RYR3: variants seen among roughly 807,000 people sequenced by gnomAD.
RYR3 encodes the protein brain ryanodine receptor-calcium release channel.
A neutral mutation model predicts 584.3 loss-of-function variants in RYR3; 207 were observed. That is an observed-to-expected ratio of 0.35 (90% CI 0.32 to 0.40). The LOEUF (loss-of-function observed/expected upper bound fraction) is 0.40. Ranked by LOEUF, RYR3 falls within the 10% of genes least tolerant of loss-of-function variation. RYR3 has a pLI of 1.00. For synonymous variants in RYR3, 2,416 were observed against 2,248.5 expected, an observed-to-expected ratio of 1.07 and a Z score of -2.11; for missense variants, 5,616 against 6,089.2, an observed-to-expected ratio of 0.92 and a Z score of 2.59.
intron 1 of RYR3, among the ~76,000 whole-genome samples, chr15:33,387,484 C>G (rs1356032504): frequency 6.6e-6 from 1 of 152,142 alleles, no homozygotes; most frequent in African/African-American, 2.4e-5. Context: ...CACATCCTCA[C>G]CAACACTTGT....
At chr15:33,425,411 G>C (rs138657637) in intron 1 of RYR3, among the ~76,000 whole-genome samples, 16 of 152,286 alleles carry the variant, frequency 1.1e-4, no homozygotes, top group African/African-American at 3.9e-4. Flanking sequence ...TTGCTTGGCA[G>C]ATGGGGCCAC....
chr15:33,653,033 C>A lies in RYR3; in HGVS notation c.4308+150C>A, dbSNP rs562671375. 7.3e-6 allele frequency: 5 copies of A among 689,384 alleles called. No individual in the cohort carries two copies. The East Asian group carries it at 1.5e-4, about 20-fold the overall frequency. The allele number at this position is 689,384 out of a possible 1,614,324, so 42.7% of individuals were successfully genotyped here. Reference sequence around the variant, plus strand: ...TGGGCCACTTAGGACAACAAATAAACAACAACAAAGTTACTTCATTGTATG... The same window carrying A: ...TGGGCCACTTAGGACAACAAATAAAAAACAACAAAGTTACTTCATTGTATG... On this transcript the variant is annotated intron_variant, in intron 32 of 103. Transcript: ENST00000634891.
intron 9 of RYR3, among the ~76,000 whole-genome samples, chr15:33,549,463 A>C (rs764011471): frequency 1.3e-5 from 2 of 152,234 alleles, no homozygotes; most frequent in Non-Finnish European, 2.9e-5. Flanking sequence ...ATATGAGCAA[A>C]TATTTTAAAA....
At chr15:33,438,547 A>G (rs1383330173) in intron 1 of RYR3, among the ~76,000 whole-genome samples, 1 of 152,116 alleles carries the variant, frequency 6.6e-6, no homozygotes, top group Non-Finnish European at 1.5e-5. Context: ...TGTCTCAGCT[A>G]TTCTTGCTCC....
chr15:33,766,165 C>T (rs1356280297), intron 60 of RYR3, among the ~76,000 whole-genome samples: 3 of 151,908 alleles, frequency 2.0e-5, no homozygotes, highest in Non-Finnish European at 2.9e-5. Flanking sequence ...CACCTGTAGT[C>T]CCAGCTACTC....
chr15:33,652,876 G>A lies in RYR3; in HGVS notation c.4301G>A (p.Cys1434Tyr). 6.2e-7 allele frequency: 1 copy of A among 1,609,866 alleles called. No individual in the cohort carries two copies. Among genetic ancestry groups the A allele is most frequent in the Non-Finnish European group, 8.5e-7 (1 of 1,177,846 alleles). The change falls in exon 32 of 104, where the codon TGC becomes TAC. Residue 1434 changes from cysteine (C) to tyrosine (Y), a missense_variant. Physicochemically the swap from Cys to Tyr is radical, Grantham distance 194. Coordinates refer to ENST00000634891, the MANE Select transcript of RYR3 (RefSeq NM_001036.6). The stretch of plus-strand genomic sequence containing the variant: ...GCCAATGGAAAGGAACTGGGCACCT[G>A]CTACCAGGTAAGGGCGGCTTCTGGG... ...FSANGKELGT[C>Y]YQVEPNTKVF...
chr15:33,669,243 C>A (rs1007762860), intron 36 of RYR3, 111 bp from the exon 37 acceptor site: 15 of 652,092 alleles, frequency 2.3e-5, no homozygotes, highest in South Asian at 7.6e-5. Flanking sequence ...AAAAAAAAAT[C>A]ACTAAGTAAA....
chr15:33,472,707 G>A (rs112721888), intron 1 of RYR3, among the ~76,000 whole-genome samples: 5 of 121,954 alleles, frequency 4.1e-5, no homozygotes, highest in African/African-American at 1.6e-4. Context: ...TCTTTTCCAG[G>A]GCCTCTGAAA....
chr15:33,584,896 G>A (rs1036533401), intron 15 of RYR3, among the ~76,000 whole-genome samples: 2 of 151,116 alleles, frequency 1.3e-5, no homozygotes, highest in African/African-American at 2.4e-5. Flanking sequence ...GTCTAAAAGC[G>A]GGAGTGAAGA....
chr15:33,446,881 G>A lies in RYR3; in HGVS notation c.52-26538G>A, dbSNP rs1042095970. 1.2e-4 allele frequency among the ~76,000 whole-genome samples: 19 copies of A among 152,298 alleles called. No homozygotes were observed. The East Asian group carries it at 1.9e-3, about 15-fold the overall frequency. ...TCCTTCTCTTACATATATTGTAGAA[G>A]GCAGGTTCTCCAACGCCTTCACCAC... On this transcript the variant is annotated intron_variant, in intron 1 of 103. Transcript: ENST00000634891.
Position 33,683,001 on chromosome 15 carries a change from C to CT in RYR3, c.5860+12456dup, listed in dbSNP as rs35327355. ...TGTCCCACTTTGAGAGTCATGTTTC[C>CT]TTTTTTTTTTTGAGATGGAGTCTCG... On this transcript the variant is annotated intron_variant, in intron 38 of 103. Coordinates refer to ENST00000634891, the MANE Select transcript of RYR3 (RefSeq NM_001036.6). 7.5e-4 allele frequency among the ~76,000 whole-genome samples: 112 copies of CT among 148,662 alleles called. 1 individual carries two copies. The highest frequency in any genetic ancestry group is 3.5e-3 in the South Asian group (16 of 4,632).
intron 1 of RYR3, among the ~76,000 whole-genome samples, chr15:33,468,448 G>A (rs934375043): frequency 6.6e-6 from 1 of 152,060 alleles, no homozygotes; most frequent in Non-Finnish European, 1.5e-5. Context: ...AGAAATAGAA[G>A]CTATGGACTC....
At chr15:33,761,490 G>C (rs2072445225) in intron 60 of RYR3, among the ~76,000 whole-genome samples, 2 of 152,142 alleles carry the variant, frequency 1.3e-5, no homozygotes, top group Non-Finnish European at 2.9e-5. Flanking sequence ...AAATAAGCTA[G>C]AAAAATCTAG....
chr15:33,859,200 C>G (rs1429486123), intron 99 of RYR3: 1 of 177,730 alleles, frequency 5.6e-6, no homozygotes, highest in Non-Finnish European at 1.2e-5. Flanking sequence ...AGAGGGGGGA[C>G]CTTTTTGCAG....
chr15:33,862,643 C>G (rs1317886257), intron 102 of RYR3, among the ~76,000 whole-genome samples: 1 of 152,126 alleles, frequency 6.6e-6, no homozygotes, highest in Admixed American at 6.5e-5. Flanking sequence ...TTGAGACAGT[C>G]TCTGTCACCC....
At chr15:33,438,767 C>T (rs1418694612) in intron 1 of RYR3, among the ~76,000 whole-genome samples, 2 of 151,762 alleles carry the variant, frequency 1.3e-5, no homozygotes, top group East Asian at 3.9e-4. Flanking sequence ...ATATAATTTT[C>T]TCCTGAAACT....
At chr15:33,699,250 CT>C (rs1566975480) in intron 40 of RYR3, among the ~76,000 whole-genome samples, 3 of 128,536 alleles carry the variant, frequency 2.3e-5, no homozygotes, top group Middle Eastern at 3.6e-3. Context: ...CTCTCTCTCT[CT>C]CTCCCCCCCT....
Position 33,757,551 on chromosome 15 carries a change from G to T in RYR3, c.8660G>T (p.Ser2887Ile). 3 of 1,611,622 alleles carry T rather than the reference G, an allele frequency of 1.9e-6. No individual in the cohort carries two copies. The highest frequency in any genetic ancestry group is 2.5e-6 in the Non-Finnish European group (3 of 1,179,164). The change falls in exon 60 of 104, where the codon AGC becomes ATC. Residue 2887 changes from serine to isoleucine, a missense_variant. Physicochemically the swap from Ser to Ile is moderately radical, Grantham distance 142. Coordinates refer to ENST00000634891, the MANE Select transcript of RYR3 (RefSeq NM_001036.6). ...TTGTCATCCCCTCTGAAGCCCCTTA[G>T]CAGCAGCGGATATGCCTCCCATAAG... ...YFLSSPLKPL[S>I]SSGYASHKEK...
intron 12 of RYR3, among the ~76,000 whole-genome samples, chr15:33,575,562 C>G (rs1458856755): frequency 2.6e-5 from 4 of 152,038 alleles, no homozygotes; most frequent in Admixed American, 1.3e-4. Flanking sequence ...TTCTTTGAAA[C>G]CAGTAAGAAC....
Sources: allele counts gnomAD v4.1 joint callset (sites outside exome capture counted in the v4.1 genomes callset), GRCh38; gene constraint gnomAD v4.1.1; transcripts MANE v1.5; gene names NCBI Gene and HGNC (gene_info 2026-07-23, HGNC 2026-07-21).